Variants in SORCS3 observed in about 807,000 individuals in gnomAD.
The protein encoded by SORCS3 is VPS10 domain-containing receptor SorCS3.
Under a neutral mutation model 146.3 loss-of-function variants are expected in SORCS3, and 57 were observed. The ratio of observed to expected loss-of-function variants is 0.39; its 90% CI spans 0.31 to 0.49. The LOEUF (loss-of-function observed/expected upper bound fraction) is 0.49, where lower values mean the gene tolerates loss of function less well. Among genes scored for constraint, SORCS3 ranks in the 20% least tolerant of loss-of-function variants. The pLI, the probability that SORCS3 is intolerant of heterozygous loss-of-function variation, is 0.92. For missense variants in SORCS3, 1,341 were observed against 1,575.5 expected (o/e 0.85, Z 2.52); for synonymous variants, 653 against 618.5 (o/e 1.06, Z -0.83).
chr10:105,148,218 A>G (rs812617), intron 9 of SORCS3, among the ~76,000 whole-genome samples: 79,016 of 151,726 alleles, frequency 0.52, 20,888 homozygotes, highest in Middle Eastern at 0.57. Flanking sequence ...TGTTTTATGA[A>G]CAAATTTTAT....
At chr10:104,855,772 A>G (rs577301416) in intron 2 of SORCS3, among the ~76,000 whole-genome samples, 3 of 151,164 alleles carry the variant, frequency 2.0e-5, no homozygotes, top group East Asian at 1.9e-4. Context: ...GTCTTACTCT[A>G]TCACCCAAGC....
chr10:104,957,554 A>AACACACACACACAC (rs10660859), intron 3 of SORCS3, among the ~76,000 whole-genome samples: 24 of 148,470 alleles, frequency 1.6e-4, no homozygotes, highest in African/African-American at 4.0e-4. Flanking sequence ...AAGGAAAGAA[A>AACACACACACACAC]ACACACACAC....
At chr10:105,222,270 G>A (rs2056708300) in intron 19 of SORCS3, among the ~76,000 whole-genome samples, 1 of 151,926 alleles carries the variant, frequency 6.6e-6, no homozygotes, top group Non-Finnish European at 1.5e-5. Flanking sequence ...TGTTGGCCAG[G>A]CTGGTCTTGA....
In SORCS3 at chr10:105,157,147, A is replaced by T. The variant is rs142696199; in HGVS notation, c.1492A>T (p.Ile498Phe). The T allele has an allele frequency of 2.4e-5, 38 of 1,613,912 alleles. No individual in the cohort carries two copies. In the East Asian group the frequency reaches 5.8e-4, roughly 25 times the overall value. Reference protein sequence around the residue: ...IIIELYEVAGIKGIFLANKKV... With the variant: ...IIIELYEVAGFKGIFLANKKV... Reference sequence around the variant, plus strand: ...TCACCTTTTTTCCTAGGTAGCAGGTATCAAAGGGATATTTCTGGCAAACAA... The same window carrying T: ...TCACCTTTTTTCCTAGGTAGCAGGTTTCAAAGGGATATTTCTGGCAAACAA... The change falls in exon 10 of 27, where the codon ATC (isoleucine) becomes TTC (phenylalanine). Residue 498 changes from isoleucine (I) to phenylalanine (F), a missense_variant. Transcript: ENST00000369701.
intron 21 of SORCS3, 130 bp downstream of exon 21, chr10:105,245,795 G>A: frequency 5.2e-6 from 6 of 1,151,326 alleles, no homozygotes; most frequent in Admixed American, 2.8e-5. Context: ...TCAACAGGAA[G>A]CTTCCAAACC....
At chr10:104,940,220 A>ATATATATATATATT (rs2019299223) in intron 3 of SORCS3, among the ~76,000 whole-genome samples, 1 of 14,200 alleles carries the variant, frequency 7.0e-5, no homozygotes, top group Non-Finnish European at 1.2e-4. Flanking sequence ...ATATATATAT[A>ATATATATATATATT]TATATATATA....
intron 14 of SORCS3, among the ~76,000 whole-genome samples, chr10:105,181,997 G>C (rs1157247641): frequency 6.6e-6 from 1 of 152,038 alleles, no homozygotes; most frequent in Admixed American, 6.6e-5. Flanking sequence ...ATTCTTTCCT[G>C]ATAAGAAATG....
At chr10:104,818,405 T>TTCCTTCCTTCC (rs1564690833) in intron 1 of SORCS3, among the ~76,000 whole-genome samples, 4 of 91,368 alleles carry the variant, frequency 4.4e-5, no homozygotes, top group South Asian at 8.4e-4. Context: ...TCCTTCCTTC[T>TTCCTTCCTTCC]TTCTCTCTTT....
At chr10:105,001,965 T>C (rs1233449757) in intron 4 of SORCS3, among the ~76,000 whole-genome samples, 1 of 152,172 alleles carries the variant, frequency 6.6e-6, no homozygotes, top group Non-Finnish European at 1.5e-5. Flanking sequence ...TAGCAGAGCA[T>C]CTTAATTCTT....
intron 14 of SORCS3, among the ~76,000 whole-genome samples, chr10:105,181,862 C>G (rs1457090585): frequency 6.6e-6 from 1 of 152,164 alleles, no homozygotes. Context: ...CTTTGGTCCA[C>G]TATTTCATGA....
chr10:105,125,679 C>CACACACACACACA (rs370356129), intron 7 of SORCS3, among the ~76,000 whole-genome samples: 33,777 of 144,284 alleles, frequency 0.23, 4,589 homozygotes, highest in Admixed American at 0.32. Context: ...CACTGAATAT[C>CACACACACACACA]CACACACACA....
At chr10:104,879,245 T>C (rs931907808) in intron 2 of SORCS3, among the ~76,000 whole-genome samples, 1 of 152,202 alleles carries the variant, frequency 6.6e-6, no homozygotes, top group African/African-American at 2.4e-5. Context: ...TGAAGTAGGC[T>C]GTGTTCCTTT....
intron 4 of SORCS3, among the ~76,000 whole-genome samples, chr10:105,030,675 C>T (rs1352341548): frequency 3.3e-5 from 5 of 151,924 alleles, no homozygotes; most frequent in Non-Finnish European, 5.9e-5. Flanking sequence ...TCACTGCAAC[C>T]TCCACCTCCT....
At chr10:104,870,085 A>G (rs2018502802) in intron 2 of SORCS3, among the ~76,000 whole-genome samples, 1 of 152,222 alleles carries the variant, frequency 6.6e-6, no homozygotes, top group Non-Finnish European at 1.5e-5. Flanking sequence ...TGTCATTATC[A>G]TTATTTCTGT....
At chr10:104,885,019 A>G (rs1239626316) in intron 2 of SORCS3, among the ~76,000 whole-genome samples, 1 of 152,174 alleles carries the variant, frequency 6.6e-6, no homozygotes, top group Non-Finnish European at 1.5e-5. Flanking sequence ...TGAGTGAACT[A>G]AACTTTAAAT....
chr10:104,931,461 A>G (rs2133611094), intron 3 of SORCS3, among the ~76,000 whole-genome samples: 1 of 152,310 alleles, frequency 6.6e-6, no homozygotes, highest in South Asian at 2.1e-4. Context: ...AAACTGCCCA[A>G]GGGTATAAAT....
intron 7 of SORCS3, among the ~76,000 whole-genome samples, chr10:105,135,282 G>A (rs1379066389): frequency 1.3e-5 from 2 of 152,086 alleles, no homozygotes; most frequent in African/African-American, 4.8e-5. Context: ...AGAGACTTGA[G>A]GTAGTACTGG....
At chr10:104,706,340 TG>T (rs1393558932) in intron 1 of SORCS3, among the ~76,000 whole-genome samples, 9 of 151,098 alleles carry the variant, frequency 6.0e-5, no homozygotes, top group African/African-American at 2.2e-4. Flanking sequence ...CCGGAGTAGC[TG>T]GGGACTACAG....
intron 9 of SORCS3, among the ~76,000 whole-genome samples, chr10:105,151,582 C>T (rs771913048): frequency 6.6e-6 from 1 of 151,994 alleles, no homozygotes; most frequent in Non-Finnish European, 1.5e-5. Context: ...TATATCACTC[C>T]ATCTTCTGCA....
Sources: gnomAD v4.1 joint callset for allele counts (sites outside exome capture counted in the v4.1 genomes callset) on GRCh38, gnomAD v4.1.1 for gene constraint, MANE v1.5 for transcripts, NCBI Gene and HGNC (gene_info 2026-07-23, HGNC 2026-07-21) for gene names.